The following SFI1 variants were observed in gnomAD, a reference collection of about 807,000 sequenced individuals.
SFI1 encodes the protein protein SFI1 homolog.
Under a neutral mutation model 207.5 loss-of-function variants are expected in SFI1, and 195 were observed. The observed-to-expected ratio is 0.94, with a 90% CI of 0.84 to 1.06. The LOEUF is 1.06. Ranked by LOEUF, SFI1 falls within the 50% of genes least tolerant of loss-of-function variation. The probability of loss-of-function intolerance (pLI) is 0.00; values close to 1 mark genes in which losing one functional copy is unlikely to be tolerated. For synonymous variants in SFI1, 630 were observed against 598.9 expected, an observed-to-expected ratio of 1.05 and a Z score of -0.76; for missense variants, 1,634 against 1,588.0, an observed-to-expected ratio of 1.03 and a Z score of -0.49.
At position 31,582,793 on chromosome 22, in the gene SFI1, G is replaced by A. The variant is rs540440635; in HGVS notation, c.1249-1082G>A. The stretch of plus-strand genomic sequence containing the variant: ...ATTAGATTATTCTAGAGACCTCATA[G>A]GTGGAATCATATAGTATTTGTCCTT... On this transcript the variant is annotated intron_variant, in intron 12 of 32. Transcript: ENST00000400288. Among the ~76,000 whole-genome samples the A allele has an allele frequency of 1.8e-3, 278 of 152,178 alleles. 2 individuals are homozygous for A. Among genetic ancestry groups the A allele is most frequent in the Non-Finnish European group, 2.6e-3 (177 of 68,014 alleles).
intron 2 of SFI1, among the ~76,000 whole-genome samples, chr22:31,517,780 C>A (rs2056728883): frequency 6.6e-6 from 1 of 152,062 alleles, no homozygotes; most frequent in African/African-American, 2.4e-5. Context: ...TGGCTATGTA[C>A]CTTGTTCCTT....
intron 15 of SFI1, among the ~76,000 whole-genome samples, chr22:31,598,341 T>A (rs868395201): frequency 5.3e-5 from 8 of 152,192 alleles, no homozygotes; most frequent in Middle Eastern, 3.4e-3. Context: ...ATACAGAACA[T>A]TTCTGTTACC....
intron 7 of SFI1, among the ~76,000 whole-genome samples, chr22:31,560,955 G>A (rs9621283): frequency 2.6e-5 from 4 of 151,616 alleles, no homozygotes; most frequent in South Asian, 2.1e-4. Flanking sequence ...CACTCTCCTC[G>A]GCCTCCCAAA....
intron 1 of SFI1, among the ~76,000 whole-genome samples, chr22:31,498,066 G>A (rs1374856573): frequency 2.0e-5 from 3 of 152,134 alleles, no homozygotes; most frequent in African/African-American, 2.4e-5. Flanking sequence ...AGGCCGAGGC[G>A]GGTGGATCAC....
chr22:31,559,546 G>A (rs141106182), intron 7 of SFI1: 295 of 590,208 alleles, frequency 5.0e-4, no homozygotes, highest in Non-Finnish European at 8.1e-4. Flanking sequence ...CAACATCAAC[G>A]GGCAGCAGAA....
chr22:31,573,357 T>A, intron 9 of SFI1, 143 bp downstream of exon 9: 1 of 684,996 alleles, frequency 1.5e-6, no homozygotes, highest in African/African-American at 1.8e-5. Context: ...GGAAAATACA[T>A]CATCCTTGAG....
chr22:31,553,867 T>TTTTTTC (rs1293077499), intron 6 of SFI1, among the ~76,000 whole-genome samples: 4 of 116,200 alleles, frequency 3.4e-5, no homozygotes, highest in Non-Finnish European at 7.0e-5. Context: ...TTTTTTTTTT[T>TTTTTTC]TGCGAGAGTC....
intron 8 of SFI1, among the ~76,000 whole-genome samples, chr22:31,569,205 C>T (rs1305008514): frequency 2.0e-5 from 3 of 152,022 alleles, no homozygotes; most frequent in Non-Finnish European, 4.4e-5. Context: ...GGACATAGAT[C>T]TAGGAAGCCA....
intron 15 of SFI1, among the ~76,000 whole-genome samples, chr22:31,594,327 A>T (rs1006138752): frequency 3.9e-5 from 6 of 152,012 alleles, no homozygotes; most frequent in Non-Finnish European, 5.9e-5. Context: ...GAGCGGGCGG[A>T]TCACAAGGTC....
chr22:31,563,378 T>C (rs2061929267), intron 8 of SFI1, among the ~76,000 whole-genome samples: 1 of 152,000 alleles, frequency 6.6e-6, no homozygotes, highest in South Asian at 2.1e-4. Context: ...AATGGGAAAA[T>C]GCTATAAATG....
Position 31,603,831 on chromosome 22 carries a change from G to T in SFI1, c.1881+12G>T, listed in dbSNP as rs2068516228. The T allele has an allele frequency of 6.4e-7, 1 of 1,574,612 alleles. No homozygotes were observed. The highest frequency in any genetic ancestry group is 2.0e-5 in the Admixed American group (1 of 48,976). On this transcript the variant is annotated intron_variant, in intron 18 of 32. Coordinates refer to ENST00000400288, the MANE Select transcript of SFI1 (RefSeq NM_001007467.3). ...GCCAGTGGAGGGAGGTAAGGCTTTG[G>T]TGCGAGGTGCCACCCGTGTATGACT...
chr22:31,608,154 A>T, intron 22 of SFI1, 121 bp downstream of exon 22: 1 of 714,346 alleles, frequency 1.4e-6, no homozygotes, highest in East Asian at 2.8e-5. Context: ...TGTGGTTGCC[A>T]TGACAAAGTA....
chr22:31,554,632 C>CCTTTTTTTTTTTT (rs2060987146), intron 6 of SFI1, among the ~76,000 whole-genome samples: 1 of 147,720 alleles, frequency 6.8e-6, no homozygotes, highest in Non-Finnish European at 1.5e-5. Flanking sequence ...TCAGATGGAG[C>CCTTTTTTTTTTTT]CTCACTTTGT....
At chr22:31,614,122 C>T (rs758128181) in intron 27 of SFI1, 6 of 483,484 alleles carry the variant, frequency 1.2e-5, no homozygotes, top group Admixed American at 6.9e-5. Context: ...CACCTTCCTA[C>T]CCTCTCTCCC....
At position 31,550,354 on chromosome 22, in the gene SFI1, A is replaced by G. The variant is rs755690648; in HGVS notation, c.544+6A>G. 3.7e-6 allele frequency: 6 copies of G among 1,612,114 alleles called. No homozygotes were observed. Among genetic ancestry groups the G allele is most frequent in the Non-Finnish European group, 8.5e-7 (1 of 1,178,374 alleles). On this transcript the variant is annotated splice_donor_region_variant and intron_variant, in intron 6 of 32. Coordinates refer to ENST00000400288, the MANE Select transcript of SFI1 (RefSeq NM_001007467.3). ...CATTAGAGCCGAGGTTCATGGTGAG[A>G]AAAAGAAGTCCATGTCTGAAGAAGA...
intron 15 of SFI1, 47 bp downstream of exon 15, chr22:31,589,624 T>C: frequency 6.4e-7 from 1 of 1,573,708 alleles, no homozygotes; most frequent in Non-Finnish European, 8.6e-7. Flanking sequence ...GTTTCAAATC[T>C]AACTCTGACA....
At chr22:31,539,898 T>G (rs538897453) in intron 4 of SFI1, among the ~76,000 whole-genome samples, 1 of 152,180 alleles carries the variant, frequency 6.6e-6, no homozygotes, top group Non-Finnish European at 1.5e-5. Flanking sequence ...GAATTTTTAG[T>G]AGAGATGGGG....
chr22:31,568,222 A>AT (rs1216435055), intron 8 of SFI1, among the ~76,000 whole-genome samples: 94 of 128,294 alleles, frequency 7.3e-4, no homozygotes, highest in Middle Eastern at 3.8e-3. Flanking sequence ...ATATATATAT[A>AT]TATATTTTTT....
intron 1 of SFI1, among the ~76,000 whole-genome samples, chr22:31,505,176 C>G (rs557098139): frequency 9.9e-5 from 15 of 152,264 alleles, no homozygotes; most frequent in Admixed American, 7.9e-4. Flanking sequence ...CAGTGGCTCA[C>G]GCCTATAATC....
Sources: allele counts gnomAD v4.1 joint callset (sites outside exome capture counted in the v4.1 genomes callset), GRCh38; gene constraint gnomAD v4.1.1; transcripts MANE v1.5; gene names NCBI Gene and HGNC (gene_info 2026-07-23, HGNC 2026-07-21).